The following PCSK5 variants were observed in gnomAD, a reference collection of about 807,000 sequenced individuals.
PCSK5 encodes the protein proprotein convertase subtilisin/kexin type 5, also known as prohormone convertase 5.
PCSK5 carries 129 observed loss-of-function variants against 233.2 expected under a neutral mutation model. The observed-to-expected ratio is 0.55, with a 90% CI of 0.48 to 0.64. The LOEUF is 0.64. Among genes scored for constraint, PCSK5 ranks in the 30% least tolerant of loss-of-function variants. The pLI is 0.00. For missense variants in PCSK5, 2,076 were observed against 2,430.1 expected, an observed-to-expected ratio of 0.85 and a Z score of 3.06; for synonymous variants, 825 against 879.2, an observed-to-expected ratio of 0.94 and a Z score of 1.09.
At chr9:76,315,642 C>CTTTTT (rs34118608) in intron 30 of PCSK5, among the ~76,000 whole-genome samples, 1 of 114,586 alleles carries the variant, frequency 8.7e-6, no homozygotes, top group Non-Finnish European at 1.8e-5. Flanking sequence ...GAGAAGACTA[C>CTTTTT]TTTTTTTTTT....
intron 5 of PCSK5, among the ~76,000 whole-genome samples, chr9:76,046,559 C>CTTTTTTTT (rs553542037): frequency 1.1e-3 from 118 of 104,798 alleles, no homozygotes; most frequent in Non-Finnish European, 1.7e-3. Flanking sequence ...CTTTCTTTTT[C>CTTTTTTTT]TTTTTTTTTT....
Position 76,310,843 on chromosome 9 carries a change from G to T in PCSK5, c.3876G>T (p.Lys1292Asn), listed in dbSNP as rs536044139. 2 of 1,588,492 alleles carry T rather than the reference G, an allele frequency of 1.3e-6. No homozygotes were observed. The highest frequency in any genetic ancestry group is 1.8e-5 in the Admixed American group (1 of 54,242). Residue 1292 changes from lysine (K) to asparagine (N), a missense_variant, in exon 30 of 38, where the codon AAG becomes AAT. Transcript: ENST00000674117. ...TCCATGAAGGCAGGTGCTACTCCAA[G>T]TGCCCGGAGTAAGTTTCCTTTTTAA... ...LFLHEGRCYS[K>N]CPEGSYAEDG...
chr9:76,234,301 A>G (rs1826186379), intron 22 of PCSK5, among the ~76,000 whole-genome samples: 1 of 152,110 alleles, frequency 6.6e-6, no homozygotes, highest in South Asian at 2.1e-4. Context: ...AATTCAAAAG[A>G]TCTGCCAACA....
intron 24 of PCSK5, among the ~76,000 whole-genome samples, chr9:76,273,761 T>C (rs1284915867): frequency 6.6e-6 from 1 of 150,976 alleles, no homozygotes; most frequent in East Asian, 1.9e-4. Context: ...GTCCCCCAAG[T>C]AGCTGGGATT....
chr9:76,065,068 C>T (rs375640797), intron 5 of PCSK5, among the ~76,000 whole-genome samples: 14 of 152,208 alleles, frequency 9.2e-5, no homozygotes, highest in African/African-American at 1.7e-4. Context: ...TTGATGGACA[C>T]TTATCTTGGC....
At chr9:76,062,694 T>C (rs1159189588) in intron 5 of PCSK5, among the ~76,000 whole-genome samples, 2 of 152,210 alleles carry the variant, frequency 1.3e-5, no homozygotes, top group Non-Finnish European at 2.9e-5. Context: ...TTGTACATAT[T>C]TATGGGTTAT....
At chr9:76,040,381 C>CTG (rs1829060088) in intron 5 of PCSK5, among the ~76,000 whole-genome samples, 6 of 59,532 alleles carry the variant, frequency 1.0e-4, no homozygotes, top group African/African-American at 2.8e-4. Flanking sequence ...CTCTCTCTCT[C>CTG]TCTGTCTCTC....
chr9:75,966,302 G>A (rs779039272), intron 2 of PCSK5, among the ~76,000 whole-genome samples: 6 of 152,164 alleles, frequency 3.9e-5, no homozygotes, highest in African/African-American at 7.2e-5. Flanking sequence ...AATGCCTGTC[G>A]GATATTTCTT....
At chr9:75,930,533 G>A (rs1823739463) in intron 1 of PCSK5, among the ~76,000 whole-genome samples, 1 of 152,132 alleles carries the variant, frequency 6.6e-6, no homozygotes, top group African/African-American at 2.4e-5. Context: ...TTATGAAATA[G>A]TATTAATTGT....
intron 20 of PCSK5, among the ~76,000 whole-genome samples, chr9:76,219,953 T>C (rs1191431304): frequency 6.6e-6 from 1 of 152,168 alleles, no homozygotes; most frequent in Non-Finnish European, 1.5e-5. Context: ...TTCTCACCAC[T>C]AGGGTGGGCC....
At chr9:75,906,624 A>G (rs918384730) in intron 1 of PCSK5, among the ~76,000 whole-genome samples, 1 of 152,204 alleles carries the variant, frequency 6.6e-6, no homozygotes, top group Non-Finnish European at 1.5e-5. Flanking sequence ...TCTGAGGAAG[A>G]GAAGGTCAGA....
At chr9:75,980,641 C>A (rs553831049) in intron 2 of PCSK5, among the ~76,000 whole-genome samples, 1 of 152,016 alleles carries the variant, frequency 6.6e-6, no homozygotes, top group African/African-American at 2.4e-5. Context: ...GACAAAATAA[C>A]AATGCCAATA....
At chr9:76,241,352 G>T (rs1248171016) in intron 24 of PCSK5, among the ~76,000 whole-genome samples, 1 of 152,222 alleles carries the variant, frequency 6.6e-6, no homozygotes, top group Admixed American at 6.5e-5. Context: ...TGAGGCAGGA[G>T]AATTGCTTGA....
chr9:76,013,987 T>A (rs963407186), intron 3 of PCSK5, among the ~76,000 whole-genome samples: 9 of 151,882 alleles, frequency 5.9e-5, no homozygotes, highest in African/African-American at 2.2e-4. Flanking sequence ...AAGTGGGAAC[T>A]GAAGTCCGTT....
intron 22 of PCSK5, among the ~76,000 whole-genome samples, chr9:76,236,689 G>A (rs1826261624): frequency 6.6e-6 from 1 of 152,132 alleles, no homozygotes; most frequent in Non-Finnish European, 1.5e-5. Flanking sequence ...GCTGGTCATG[G>A]CCAAGGCATC....
chr9:76,108,292 A>G (rs1189896768), intron 9 of PCSK5, among the ~76,000 whole-genome samples: 2 of 152,204 alleles, frequency 1.3e-5, no homozygotes, highest in Non-Finnish European at 2.9e-5. Flanking sequence ...GGAGGATCAT[A>G]AGAAAAAGGA....
At chr9:76,222,394 TTC>T (rs2131302653) in intron 20 of PCSK5, among the ~76,000 whole-genome samples, 1 of 152,228 alleles carries the variant, frequency 6.6e-6, no homozygotes, top group South Asian at 2.1e-4. Flanking sequence ...TAGTGTGTAG[TTC>T]TGTGGCATTA....
chr9:76,045,041 A>G (rs897442636), intron 5 of PCSK5, among the ~76,000 whole-genome samples: 6 of 152,138 alleles, frequency 3.9e-5, no homozygotes, highest in Non-Finnish European at 8.8e-5. Context: ...TTCCTCATAC[A>G]TTTGCTAAGA....
At chr9:76,312,954 T>C (rs1324404522) in intron 30 of PCSK5, among the ~76,000 whole-genome samples, 2 of 152,080 alleles carry the variant, frequency 1.3e-5, no homozygotes, top group African/African-American at 2.4e-5. Flanking sequence ...AGGGCCTTAA[T>C]ATACAAAGGG....
Sources: gnomAD v4.1 joint callset for allele counts (sites outside exome capture counted in the v4.1 genomes callset) on GRCh38, gnomAD v4.1.1 for gene constraint, MANE v1.5 for transcripts, NCBI Gene and HGNC (gene_info 2026-07-23, HGNC 2026-07-21) for gene names.